The following PLXNA2 variants were observed in gnomAD, a reference collection of about 807,000 sequenced individuals.
PLXNA2 encodes the protein plexin A2, also known as plexin-A2.
PLXNA2 carries 91 observed loss-of-function variants against 193.5 expected under a neutral mutation model. The observed-to-expected ratio is 0.47, with a 90% confidence interval of 0.40 to 0.56. PLXNA2 has a LOEUF of 0.56. Ranked by LOEUF, PLXNA2 falls within the 20% of genes least tolerant of loss-of-function variation. The pLI, the probability that PLXNA2 is intolerant of heterozygous loss-of-function variation, is 0.00. For missense variants in PLXNA2, 1,995 were observed against 2,503.2 expected (o/e 0.80, Z 4.33); for synonymous variants, 997 against 1,027.3 (o/e 0.97, Z 0.56).
chr1:208,183,093 C>T (rs948420353), intron 3 of PLXNA2, among the ~76,000 whole-genome samples: 31 of 152,236 alleles, frequency 2.0e-4, no homozygotes, highest in African/African-American at 6.7e-4. Flanking sequence ...CTGGGGCTCC[C>T]CCTTCGTCTA....
At chr1:208,039,503 C>T in intron 24 of PLXNA2, 118 bp downstream of exon 24, 1 of 1,431,952 alleles carries the variant, frequency 7.0e-7, no homozygotes, top group Non-Finnish European at 9.6e-7. Flanking sequence ...TGGGCTCACC[C>T]CAGACCAGCC....
chr1:208,040,192 G>C, intron 22 of PLXNA2, 134 bp from the exon 23 acceptor site: 1 of 691,448 alleles, frequency 1.4e-6, no homozygotes. Flanking sequence ...GGACACCTGG[G>C]TCCCAGCCCA....
chr1:208,036,511 T>C (rs1011951421), intron 26 of PLXNA2, among the ~76,000 whole-genome samples: 2 of 152,146 alleles, frequency 1.3e-5, no homozygotes, highest in Non-Finnish European at 2.9e-5. Context: ...GGGATAATAA[T>C]TGCATGTAGT....
At chr1:208,056,406 T>G (rs1026057943) in intron 13 of PLXNA2, among the ~76,000 whole-genome samples, 2 of 152,094 alleles carry the variant, frequency 1.3e-5, no homozygotes, top group Non-Finnish European at 2.9e-5. Flanking sequence ...ATCACAGGCT[T>G]GAAGTTAAGG....
chr1:208,142,338 A>G lies in PLXNA2; in HGVS notation c.1497T>C (p.Ser499=), dbSNP rs1668480311. 1.3e-6 allele frequency: 2 copies of G among 1,598,562 alleles called. No individual in the cohort carries two copies. Among genetic ancestry groups the G allele is most frequent in the African/African-American group, 1.3e-5 (1 of 74,184 alleles). ...GGATGTTAGCACTTACCTGTCTCTC[A>G]GACATGACGTACAGGTAGCGCTGAT... ...SIDQRYLYVM[S]ERQVTRVPVE... Residue 499 remains serine, a synonymous_variant, in exon 4 of 32, where the codon TCT becomes TCC. Coordinates refer to ENST00000367033, the MANE Select transcript of PLXNA2 (RefSeq NM_025179.4).
intron 29 of PLXNA2, chr1:208,031,084 A>G (rs979943316): frequency 2.0e-5 from 20 of 991,728 alleles, no homozygotes; most frequent in South Asian, 1.4e-4. Context: ...AGTGGGCTCA[A>G]GTCTATAGCA....
chr1:208,139,396 A>G (rs919647256), intron 4 of PLXNA2, among the ~76,000 whole-genome samples: 2 of 152,130 alleles, frequency 1.3e-5, no homozygotes, highest in African/African-American at 2.4e-5. Flanking sequence ...CACCATCTCT[A>G]TACTCCTGAG....
At chr1:208,196,013 G>A (rs12087863) in intron 3 of PLXNA2, among the ~76,000 whole-genome samples, 1,732 of 152,074 alleles carry the variant, frequency 0.011, 32 homozygotes, top group African/African-American at 0.039. Flanking sequence ...TAGTTTTGGG[G>A]TTTGGTTGTG....
rs1308968363 is a variant in PLXNA2 at position 208,077,057 on chromosome 1, AT to A, written c.2586+2202del. On this transcript the variant is annotated intron_variant, in intron 12 of 31. Coordinates refer to ENST00000367033, the MANE Select transcript of PLXNA2 (RefSeq NM_025179.4). ...GTAGGAGAAAATGAAAAGAAAAAAAATATTGAAATGAAAATAATGAAATGAA... is the reference window on the plus strand; with the variant it reads ...GTAGGAGAAAATGAAAAGAAAAAAAAATTGAAATGAAAATAATGAAATGAA... 2.6e-5 allele frequency among the ~76,000 whole-genome samples: 4 copies of A among 152,346 alleles called. No individual in the cohort carries two copies. In the East Asian group the frequency reaches 5.8e-4, roughly 22 times the overall value.
intron 12 of PLXNA2, among the ~76,000 whole-genome samples, chr1:208,076,374 C>T (rs77231579): frequency 8.3e-4 from 127 of 152,270 alleles, no homozygotes; most frequent in Middle Eastern, 6.8e-3. Flanking sequence ...GCCACTGCAG[C>T]TGTCCCCCCA....
intron 3 of PLXNA2, among the ~76,000 whole-genome samples, chr1:208,158,989 T>A (rs1669022005): frequency 6.6e-6 from 1 of 152,182 alleles, no homozygotes; most frequent in Non-Finnish European, 1.5e-5. Context: ...GGGAGGACTG[T>A]GCTTCTCTGC....
At chr1:208,207,528 T>C (rs780170718) in intron 3 of PLXNA2, among the ~76,000 whole-genome samples, 1 of 152,250 alleles carries the variant, frequency 6.6e-6, no homozygotes, top group Non-Finnish European at 1.5e-5. Context: ...ATCCTGTTCC[T>C]ACAGACCACA....
intron 4 of PLXNA2, among the ~76,000 whole-genome samples, chr1:208,111,742 T>C (rs1667482599): frequency 6.6e-6 from 1 of 152,216 alleles, no homozygotes; most frequent in Non-Finnish European, 1.5e-5. Flanking sequence ...CAGTGTTAGA[T>C]CCATTTCTTT....
chr1:208,032,260 G>A, intron 28 of PLXNA2: 1 of 448,444 alleles, frequency 2.2e-6, no homozygotes. Context: ...GAAGGGTCTA[G>A]ACTCAAGAAC....
Position 208,025,118 on chromosome 1 carries a change from T to A in PLXNA2, c.*2125A>T, listed in dbSNP as rs2102353975. Reference sequence around the variant, plus strand: ...TGGCATGGCTGGTTGTGAATTATAATGAAAACAGCAAGTTTCCTGAGTATT... The same window carrying A: ...TGGCATGGCTGGTTGTGAATTATAAAGAAAACAGCAAGTTTCCTGAGTATT... On this transcript the variant is annotated 3_prime_UTR_variant, in exon 32 of 32. Transcript: ENST00000367033. 1 of 152,768 alleles carries A rather than the reference T, an allele frequency of 6.5e-6. No individual in the cohort carries two copies. The highest frequency in any genetic ancestry group is 3.4e-3 in the Middle Eastern group (1 of 294). 9.5% of individuals were successfully genotyped at this position (152,768 alleles called of 1,614,324 possible).
At chr1:208,187,466 C>T (rs1228565237) in intron 3 of PLXNA2, among the ~76,000 whole-genome samples, 1 of 152,176 alleles carries the variant, frequency 6.6e-6, no homozygotes, top group Non-Finnish European at 1.5e-5. Context: ...GCCTGAACAA[C>T]AAATGCGCTC....
At chr1:208,216,375 A>G (rs1671128449) in intron 2 of PLXNA2, among the ~76,000 whole-genome samples, 1 of 152,172 alleles carries the variant, frequency 6.6e-6, no homozygotes, top group Non-Finnish European at 1.5e-5. Flanking sequence ...CATTTGGCAA[A>G]CTAACATGTA....
At chr1:208,091,868 CA>C (rs10655053) in intron 9 of PLXNA2, among the ~76,000 whole-genome samples, 185 of 130,918 alleles carry the variant, frequency 1.4e-3, no homozygotes, top group Admixed American at 2.2e-3. Context: ...GACTTCATAT[CA>C]AAAAAAAAAA....
chr1:208,234,056 G>A (rs1370313073), intron 1 of PLXNA2, among the ~76,000 whole-genome samples: 1 of 152,090 alleles, frequency 6.6e-6, no homozygotes, highest in Non-Finnish European at 1.5e-5. Flanking sequence ...AGAGAGATGG[G>A]GGAGGTCACT....
Sources: allele counts gnomAD v4.1 joint callset (sites outside exome capture counted in the v4.1 genomes callset), GRCh38; gene constraint gnomAD v4.1.1; transcripts MANE v1.5; gene names NCBI Gene and HGNC (gene_info 2026-07-23, HGNC 2026-07-21).